Variants in E2F8 observed in about 807,000 individuals in gnomAD.
E2F8 encodes E2F transcription factor 8.
A neutral mutation model predicts 80.8 loss-of-function variants in E2F8; 35 were observed. The ratio of observed to expected loss-of-function variants is 0.43; its 90% CI spans 0.33 to 0.57. The LOEUF is 0.57. E2F8 is among the 20% of genes least tolerant of loss of function. E2F8 has a pLI of 0.04. For missense variants in E2F8, 975 were observed against 1,056.2 expected, an observed-to-expected ratio of 0.92 and a Z score of 1.07; for synonymous variants, 386 against 395.0, an observed-to-expected ratio of 0.98 and a Z score of 0.27.
At chr11:19,234,658 C>G in intron 5 of E2F8, 86 bp downstream of exon 5, 1 of 1,533,198 alleles carries the variant, frequency 6.5e-7, no homozygotes, top group Non-Finnish European at 8.8e-7. Context: ...GCAGCAGTAG[C>G]TTTAGAGCTG....
chr11:19,235,119 T>C, intron 4 of E2F8, 61 bp from the exon 5 acceptor site: 8 of 1,436,680 alleles, frequency 5.6e-6, no homozygotes, highest in Non-Finnish European at 7.5e-6. Flanking sequence ...ATTGAATAGC[T>C]TTTTCTTCCA....
At chr11:19,232,518 G>C in intron 6 of E2F8, 147 bp from the exon 7 acceptor site, 1 of 586,710 alleles carries the variant, frequency 1.7e-6, no homozygotes, top group South Asian at 3.3e-5. Context: ...AGTTCTTCTG[G>C]TGATACAACT....
At chr11:19,225,885 G>T (rs760804378) in intron 10 of E2F8, 21 bp from the exon 11 acceptor site, 9 of 1,608,266 alleles carry the variant, frequency 5.6e-6, no homozygotes, top group South Asian at 1.1e-5. Context: ...AGGAGGAAGG[G>T]TTTATTTTAC....
chr11:19,232,350 T>G lies in E2F8; in HGVS notation c.950A>C (p.Asp317Ala). 6.2e-7 allele frequency: 1 copy of G among 1,612,582 alleles called. No homozygotes were observed. Among genetic ancestry groups the G allele is most frequent in the Non-Finnish European group, 8.5e-7 (1 of 1,179,612 alleles). Residue 317 changes from aspartate (D) to alanine (A), a missense_variant, in exon 7 of 13, where the codon GAT (aspartate) becomes GCT (alanine). Transcript: ENST00000250024. ...KFKTKIRRLY[D>A]IANVLSSLDL... ...CAGGCTACTCAGAACATTAGCTATA[T>G]CATACAACCTCCTAATTTTTGCTGG...
At chr11:19,226,042 TC>T in intron 10 of E2F8, 178 bp from the exon 11 acceptor site, 1 of 658,470 alleles carries the variant, frequency 1.5e-6, no homozygotes, top group Admixed American at 2.8e-5. Flanking sequence ...CTCCCACCCT[TC>T]CCAATGCTTG....
rs769694135 is a variant in E2F8, at chr11:19,238,101, C to T, written c.47G>A (p.Gly16Glu). 3.7e-6 allele frequency: 6 copies of T among 1,613,896 alleles called. No individual in the cohort carries two copies. In the South Asian group the frequency reaches 4.4e-5, roughly 12 times the overall value. ...ENLFCEPHKR[G>E]LMKTPLKEST... Reference sequence around the variant, plus strand: ...TTCTTTCAGAGGTGTTTTCATTAGTCCCCTTTTATGTGGCTCACAAAAGAG... The same window carrying T: ...TTCTTTCAGAGGTGTTTTCATTAGTTCCCTTTTATGTGGCTCACAAAAGAG... The change falls in exon 3 of 13, where the codon GGA becomes GAA. Residue 16 changes from glycine to glutamate, a missense_variant. Gly to Glu is a moderately conservative substitution (Grantham distance 98). Coordinates refer to ENST00000250024, the MANE Select transcript of E2F8 (RefSeq NM_024680.4).
chr11:19,231,972 T>C (rs922881917), intron 7 of E2F8, among the ~76,000 whole-genome samples: 15 of 152,288 alleles, frequency 9.8e-5, no homozygotes, highest in African/African-American at 2.4e-4. Context: ...ATGTGGTACA[T>C]ATACACCATG....
chr11:19,238,158 A>C (rs749963241), intron 2 of E2F8, 26 bp from the exon 3 acceptor site: 6 of 1,583,064 alleles, frequency 3.8e-6, no homozygotes, highest in Non-Finnish European at 5.1e-6. Flanking sequence ...TAAATAATTA[A>C]ATCCATGGTA....
Position 19,237,949 on chromosome 11 carries a change from T to G in E2F8, c.199A>C (p.Ile67Leu). 1 of 1,614,154 alleles carries G rather than the reference T, an allele frequency of 6.2e-7. No homozygotes were observed. Among genetic ancestry groups the G allele is most frequent in the Non-Finnish European group, 8.5e-7 (1 of 1,180,018 alleles). ...CGGATCTCAGGGCTCACAGCACTGA[T>G]GAGCATTTTCAGGTTGGCTGTCGGT... ...WTPTANLKML[I>L]SAVSPEIRNR... Residue 67 changes from isoleucine (I) to leucine (L), a missense_variant, in exon 3 of 13, where the codon ATC becomes CTC. Coordinates refer to ENST00000250024, the MANE Select transcript of E2F8 (RefSeq NM_024680.4).
chr11:19,232,114 G>A, intron 7 of E2F8, 120 bp downstream of exon 7: 1 of 1,373,442 alleles, frequency 7.3e-7, no homozygotes, highest in East Asian at 2.3e-5. Context: ...ACTCGTAAGT[G>A]GGAGTTGAAC....
intron 7 of E2F8, among the ~76,000 whole-genome samples, chr11:19,231,926 T>G (rs1851393563): frequency 6.6e-6 from 1 of 152,192 alleles, no homozygotes. Context: ...TCTCCCAATG[T>G]GCATTAATTC....
Position 19,229,826 on chromosome 11 carries a change from T to G in E2F8, c.1521A>C (p.Ala507=), listed in dbSNP as rs1206665929. The G allele has an allele frequency of 2.5e-6, 4 of 1,613,898 alleles. No homozygotes were observed. In the Admixed American group the frequency reaches 5.0e-5, roughly 20 times the overall value. The change falls in exon 10 of 13, where the codon GCA becomes GCC. Residue 507 remains alanine (A), a synonymous_variant. Coordinates refer to ENST00000250024, the MANE Select transcript of E2F8 (RefSeq NM_024680.4). This position sits in a 1 kb window ranked among gnomAD's most constrained non-coding sequence, Gnocchi z 4.3. ...VPLIPSPLSS[A]VPLILPQAPS... ...GGGCCTGAGGTAGGATCAGGGGCACTGCTGATGACAAGGGGCTGGGGATCA... is the reference window on the plus strand; with the variant it reads ...GGGCCTGAGGTAGGATCAGGGGCACGGCTGATGACAAGGGGCTGGGGATCA...
chr11:19,225,474 G>C lies in E2F8; in HGVS notation c.2168C>G (p.Pro723Arg), dbSNP rs766139629. The C allele has an allele frequency of 6.2e-7, 1 of 1,614,204 alleles. No individual in the cohort carries two copies. Among genetic ancestry groups the C allele is most frequent in the South Asian group, 1.1e-5 (1 of 91,086 alleles). Reference protein sequence around the residue: ...GNSPALASSHPVPIQNPSSAI... With the variant: ...GNSPALASSHRVPIQNPSSAI... Reference sequence around the variant, plus strand: ...TGAGCTTGGGTTCTGGATGGGAACAGGGTGGCTTGAAGCGAGAGCCGGGCT... The same window carrying C: ...TGAGCTTGGGTTCTGGATGGGAACACGGTGGCTTGAAGCGAGAGCCGGGCT... The change falls in exon 12 of 13, where the codon CCT becomes CGT. Residue 723 changes from proline (P) to arginine (R), a missense_variant. Transcript: ENST00000250024.
At position 19,240,815 on chromosome 11, in the gene E2F8, AAAGAT is replaced by A. The variant is rs1410626357; in HGVS notation, c.-382_-378del. On this transcript the variant is annotated 5_prime_UTR_variant, in exon 1 of 13. Transcript: ENST00000250024. ...TTTAAATTTAAAAAAGGGCTTCCTT[AAAGAT>A]ACAAAGCACTATTTACTCCCTGTTC... 1 of 152,226 alleles carries A rather than the reference AAAGAT, an allele frequency of 6.6e-6. No homozygotes were observed. The highest frequency in any genetic ancestry group is 2.4e-5 in the African/African-American group (1 of 41,454). The allele number at this position is 152,226 out of a possible 1,614,324, so 9.4% of individuals were successfully genotyped here.
In E2F8 at chr11:19,229,713, C is replaced by A. The variant is rs1221213929; in HGVS notation, c.1634G>T (p.Cys545Phe). The A allele has an allele frequency of 2.5e-6, 4 of 1,614,058 alleles. No individual in the cohort carries two copies. The African/African-American group carries it at 4.0e-5, about 16-fold the overall frequency. Residue 545 changes from cysteine (C) to phenylalanine (F), a missense_variant, in exon 10 of 13, where the codon TGC becomes TTC. By Grantham distance (205) the Cys-to-Phe change is radical (BLOSUM62 -2). Transcript: ENST00000250024. The surrounding 1 kb of genome is among the most constrained non-coding windows in gnomAD (Gnocchi z 4.3). ...TPPQGLSPTV[C>F]TTHSSKATGS... ...AGTAGCTTTAGAAGAGTGGGTGGTGCACACCGTTGGGCTCAGGCCTTGGGG... is the reference window on the plus strand; with the variant it reads ...AGTAGCTTTAGAAGAGTGGGTGGTGAACACCGTTGGGCTCAGGCCTTGGGG...
intron 10 of E2F8, among the ~76,000 whole-genome samples, chr11:19,226,880 T>C (rs566507738): frequency 1.1e-4 from 16 of 152,214 alleles, no homozygotes; most frequent in Admixed American, 2.0e-4. Flanking sequence ...AACTGATTAA[T>C]TCATATTAGA....
At position 19,224,769 on chromosome 11, in the gene E2F8, G is replaced by C. The variant is rs1344476353; in HGVS notation, c.2493C>G (p.Thr831=). Residue 831 remains threonine (T), a synonymous_variant, in exon 13 of 13, where the codon ACC becomes ACG. Transcript: ENST00000250024. ...ESFFRTPGGP[T]KPTSSSCMDF... ...CCATGCAGGATGAGCTGGTTGGCTT[G>C]GTGGGTCCACCTGGGGTACGGAAGA... 4 of 1,614,064 alleles carry C rather than the reference G, an allele frequency of 2.5e-6. No homozygotes were observed. In the African/African-American group the frequency reaches 5.3e-5, roughly 22 times the overall value.
rs776890195 is a variant in E2F8, at chr11:19,232,278, G to T, written c.1022C>A (p.Pro341Gln). The T allele has an allele frequency of 1.9e-6, 3 of 1,614,024 alleles. No homozygotes were observed. In the African/African-American group the frequency reaches 4.0e-5, roughly 22 times the overall value. Reference protein sequence around the residue: ...VHVTEERGRKPAFKWTGPEIS... With the variant: ...VHVTEERGRKQAFKWTGPEIS... ...TTCTGGGCCGGTCCATTTGAAAGCT[G>T]GTTTTCGGCCTCTTTCCTCTGTAAC... The change falls in exon 7 of 13, where the codon CCA becomes CAA. Residue 341 changes from proline to glutamine, a missense_variant. Pro to Gln is a moderately conservative substitution (Grantham distance 76). Coordinates refer to ENST00000250024, the MANE Select transcript of E2F8 (RefSeq NM_024680.4).
intron 4 of E2F8, 148 bp from the exon 5 acceptor site, chr11:19,235,206 A>G (rs1368831028): frequency 2.7e-6 from 2 of 748,644 alleles, no homozygotes; most frequent in African/African-American, 3.5e-5. Context: ...AATACTGTGA[A>G]GGTGAGAAAG....
Sources: allele counts gnomAD v4.1 joint callset (sites outside exome capture counted in the v4.1 genomes callset), GRCh38; gene constraint gnomAD v4.1.1; non-coding constraint Gnocchi (gnomAD v3.1); transcripts MANE v1.5; gene names NCBI Gene and HGNC (gene_info 2026-07-23, HGNC 2026-07-21).